The following DYNC2LI1 variants were observed in gnomAD, a reference collection of about 807,000 sequenced individuals.
DYNC2LI1 encodes cytoplasmic dynein 2 light intermediate chain 1.
DYNC2LI1 carries 45 observed loss-of-function variants against 51.9 expected under a neutral mutation model. The observed-to-expected ratio is 0.87, with a 90% CI of 0.68 to 1.11. DYNC2LI1 has a LOEUF of 1.11. Among genes scored for constraint, DYNC2LI1 ranks in the 50% most tolerant of loss-of-function variants. The pLI, the probability that DYNC2LI1 is intolerant of heterozygous loss-of-function variation, is 0.00. For missense variants in DYNC2LI1, 490 were observed against 417.4 expected, an observed-to-expected ratio of 1.17 and a Z score of -1.51; for synonymous variants, 130 against 137.8, an observed-to-expected ratio of 0.94 and a Z score of 0.40.
In DYNC2LI1 at chr2:43,774,303, G is replaced by C. The variant is rs79763180; in HGVS notation, c.8+157G>C. ...CCTAGGAATCAGCCTTGAGCATAAA[G>C]ATTCTGCCGCAAACAGGAAAGAAAA... On this transcript the variant is annotated intron_variant, in intron 1 of 12. Coordinates refer to ENST00000260605, the MANE Select transcript of DYNC2LI1 (RefSeq NM_016008.4). Among the ~76,000 whole-genome samples the C allele has an allele frequency of 5.4e-3, 823 of 152,336 alleles. 8 individuals carry two copies. The highest frequency in any genetic ancestry group is 0.019 in the African/African-American group (775 of 41,582).
intron 6 of DYNC2LI1, 41 bp from the exon 7 acceptor site, chr2:43,795,849 T>G: frequency 4.0e-6 from 6 of 1,516,386 alleles, no homozygotes; most frequent in Non-Finnish European, 5.5e-6. Flanking sequence ...CACCTAGCAA[T>G]AAAGAATTAC....
At chr2:43,777,238 T>G (rs1438188176) in intron 2 of DYNC2LI1, among the ~76,000 whole-genome samples, 1 of 152,230 alleles carries the variant, frequency 6.6e-6, no homozygotes, top group Non-Finnish European at 1.5e-5. Context: ...AGATTGTTAC[T>G]TTACTTTTAG....
chr2:43,827,741 C>A, the DYNC2LI1 span, among the ~76,000 whole-genome samples: 1 of 152,192 alleles, frequency 6.6e-6, no homozygotes, highest in Non-Finnish European at 1.5e-5. Context: ...CAATGGAACA[C>A]TTCAACACCA....
the DYNC2LI1 span, among the ~76,000 whole-genome samples, chr2:43,817,136 G>T: frequency 6.6e-6 from 1 of 152,208 alleles, no homozygotes; most frequent in Non-Finnish European, 1.5e-5. Flanking sequence ...GGGTTGTTAA[G>T]ATTTTGCAAC....
the DYNC2LI1 span, chr2:43,823,017 T>A: frequency 3.1e-5 from 47 of 1,515,112 alleles, no homozygotes; most frequent in Non-Finnish European, 4.0e-5. Flanking sequence ...GAATGTGAGG[T>A]CTGTCAGGGC....
chr2:43,805,370 A>G, intron 12 of DYNC2LI1, 124 bp downstream of exon 12: 2 of 541,092 alleles, frequency 3.7e-6, no homozygotes, highest in Non-Finnish European at 6.5e-6. Context: ...TATTAAAATT[A>G]TTTAAGTAGT....
chr2:43,796,142 G>A (rs978760855), intron 7 of DYNC2LI1, among the ~76,000 whole-genome samples, 184 bp downstream of exon 7: 1 of 152,120 alleles, frequency 6.6e-6, no homozygotes, highest in Admixed American at 6.6e-5. Context: ...GAAAATAAAT[G>A]CAGTGATTAG....
At chr2:43,813,717 T>G (rs1307785932), downstream of DYNC2LI1, among the ~76,000 whole-genome samples, 4 of 124,330 alleles carry the variant, frequency 3.2e-5, no homozygotes, top group African/African-American at 1.3e-4. Context: ...TCGTTTTTTT[T>G]TTTTTTTTTT....
chr2:43,818,333 AT>A, the DYNC2LI1 span, among the ~76,000 whole-genome samples: 1 of 152,178 alleles, frequency 6.6e-6, no homozygotes, highest in Non-Finnish European at 1.5e-5. Flanking sequence ...AATCCCAGCT[AT>A]TCAGGAGACT....
intron 8 of DYNC2LI1, among the ~76,000 whole-genome samples, chr2:43,797,514 ACTT>A (rs1665916976): frequency 6.9e-6 from 1 of 144,664 alleles, no homozygotes; most frequent in Non-Finnish European, 1.5e-5. Context: ...AAATATAACA[ACTT>A]TTTTTTTTTT....
intron 5 of DYNC2LI1, among the ~76,000 whole-genome samples, chr2:43,792,473 T>A (rs13382491): frequency 0.12 from 18,663 of 152,194 alleles, 1,513 homozygotes; most frequent in Admixed American, 0.21. Flanking sequence ...TTATAACCAT[T>A]TTTAAAAATA....
chr2:43,804,089 T>C (rs1330792927), intron 10 of DYNC2LI1, among the ~76,000 whole-genome samples: 1 of 152,252 alleles, frequency 6.6e-6, no homozygotes, highest in Non-Finnish European at 1.5e-5. Context: ...TTATTCAATA[T>C]ACCCTATTAT....
At chr2:43,784,181 C>T (rs10190234) in intron 3 of DYNC2LI1, among the ~76,000 whole-genome samples, 17,458 of 152,194 alleles carry the variant, frequency 0.11, 1,272 homozygotes, top group Admixed American at 0.21. Flanking sequence ...ATTAAAGAAA[C>T]ATCACTCATT....
chr2:43,813,683 T>C (rs1666610190), downstream of DYNC2LI1, among the ~76,000 whole-genome samples: 1 of 150,772 alleles, frequency 6.6e-6, no homozygotes, highest in Middle Eastern at 3.2e-3. Context: ...TGTTTTTTTT[T>C]TGTTTTTTTT....
chr2:43,775,388 A>G (rs548322239), intron 1 of DYNC2LI1, among the ~76,000 whole-genome samples: 5 of 152,316 alleles, frequency 3.3e-5, no homozygotes, highest in African/African-American at 9.6e-5. Flanking sequence ...TTTAATTAAT[A>G]TATATATGAT....
At chr2:43,799,553 A>G (rs1241803769) in intron 8 of DYNC2LI1, among the ~76,000 whole-genome samples, 1 of 152,240 alleles carries the variant, frequency 6.6e-6, no homozygotes, top group Admixed American at 6.5e-5. Flanking sequence ...TCAAAATATG[A>G]AAGCACATTC....
intron 8 of DYNC2LI1, among the ~76,000 whole-genome samples, chr2:43,800,472 G>A (rs1305870946): frequency 6.6e-6 from 1 of 151,946 alleles, no homozygotes; most frequent in Non-Finnish European, 1.5e-5. Context: ...CTGCATTTTG[G>A]AAAATTTTCT....
In DYNC2LI1 at chr2:43,775,604, C is replaced by A. The variant is rs112323933; in HGVS notation, c.9-1178C>A. On this transcript the variant is annotated intron_variant, in intron 1 of 12. Transcript: ENST00000260605. The stretch of plus-strand genomic sequence containing the variant: ...CCTCGACCTCCAGGGCTCAGGCAAT[C>A]CTCCTGCCTCAGCCTCCCTAGTAGC... The A allele has an allele frequency of 3.8e-3, 1,082 of 286,812 alleles. 12 individuals carry two copies. The highest frequency in any genetic ancestry group is 0.024 in the African/African-American group (1,006 of 42,508). 17.8% of individuals were successfully genotyped at this position (286,812 alleles called of 1,614,324 possible). A position where few individuals can be genotyped will look rare whatever the true frequency, so the allele number is the denominator to read the frequency against.
chr2:43,826,623 T>C, the DYNC2LI1 span: 1 of 1,552,828 alleles, frequency 6.4e-7, no homozygotes, highest in Non-Finnish European at 8.8e-7. Context: ...TTGTACCCCA[T>C]TCAAACAGTG....
Sources: allele counts gnomAD v4.1 joint callset (sites outside exome capture counted in the v4.1 genomes callset), GRCh38; gene constraint gnomAD v4.1.1; transcripts MANE v1.5; gene names NCBI Gene and HGNC (gene_info 2026-07-23, HGNC 2026-07-21).